AOAH: variants seen among roughly 807,000 people sequenced by gnomAD.
AOAH encodes acyloxyacyl hydrolase (neutrophil).
Under a neutral mutation model 92.2 loss-of-function variants are expected in AOAH, and 64 were observed. That is an observed-to-expected ratio of 0.69 (90% CI 0.57 to 0.86). The LOEUF (loss-of-function observed/expected upper bound fraction) is 0.86. Among genes scored for constraint, AOAH ranks in the 40% least tolerant of loss-of-function variants. The probability of loss-of-function intolerance (pLI) is 0.00; values close to 1 mark genes in which losing one functional copy is unlikely to be tolerated. For synonymous variants in AOAH, 263 were observed against 254.5 expected (o/e 1.03, Z -0.32); for missense variants, 656 against 694.6 (o/e 0.94, Z 0.62).
At chr7:36,641,381 C>G (rs1793904232) in intron 4 of AOAH, among the ~76,000 whole-genome samples, 1 of 152,140 alleles carries the variant, frequency 6.6e-6, no homozygotes, top group Middle Eastern at 3.2e-3. Context: ...AGTCTTGTTC[C>G]CCCAATGACT....
intron 11 of AOAH, among the ~76,000 whole-genome samples, chr7:36,607,367 G>T (rs1791084976): frequency 6.6e-6 from 1 of 152,194 alleles, no homozygotes; most frequent in African/African-American, 2.4e-5. Flanking sequence ...AACGAAACAT[G>T]TCTGGGCTTC....
At chr7:36,625,059 G>T (rs1792548361) in intron 6 of AOAH, among the ~76,000 whole-genome samples, 1 of 152,096 alleles carries the variant, frequency 6.6e-6, no homozygotes, top group South Asian at 2.1e-4. Context: ...TTAGGGTAGG[G>T]AAAAGTAGGG....
At chr7:36,678,455 A>G (rs902286946) in intron 2 of AOAH, among the ~76,000 whole-genome samples, 5 of 152,228 alleles carry the variant, frequency 3.3e-5, no homozygotes, top group African/African-American at 1.2e-4. Context: ...CCTAGAGCAG[A>G]GCAATTTAAA....
chr7:36,634,175 A>G (rs1008492896), intron 5 of AOAH, among the ~76,000 whole-genome samples: 1 of 152,150 alleles, frequency 6.6e-6, no homozygotes, highest in African/African-American at 2.4e-5. Flanking sequence ...AGCTTCTACT[A>G]AGGTAGGAGA....
chr7:36,551,080 T>TC (rs1786204280), intron 13 of AOAH, among the ~76,000 whole-genome samples: 1 of 150,566 alleles, frequency 6.6e-6, no homozygotes, highest in Non-Finnish European at 1.5e-5. Flanking sequence ...TTCTTTCTTT[T>TC]TTTTTTTTTT....
At chr7:36,662,532 T>C (rs1162787923) in intron 3 of AOAH, among the ~76,000 whole-genome samples, 1 of 152,226 alleles carries the variant, frequency 6.6e-6, no homozygotes, top group East Asian at 1.9e-4. Flanking sequence ...GTTCTCAACT[T>C]AATTGTTCAT....
chr7:36,723,908 A>G (rs1320076285), intron 1 of AOAH, 114 bp downstream of exon 1: 4 of 1,245,880 alleles, frequency 3.2e-6, no homozygotes, highest in Non-Finnish European at 4.3e-6. Flanking sequence ...CTGGTGCCTT[A>G]CCTGGAATCT....
At chr7:36,538,874 G>A (rs1374167731) in intron 16 of AOAH, among the ~76,000 whole-genome samples, 2 of 152,220 alleles carry the variant, frequency 1.3e-5, no homozygotes, top group African/African-American at 4.8e-5. Flanking sequence ...TGTGATACAT[G>A]AGTAACTCAA....
intron 6 of AOAH, among the ~76,000 whole-genome samples, chr7:36,623,620 C>T (rs1422747873): frequency 2.0e-5 from 3 of 152,342 alleles, no homozygotes; most frequent in Non-Finnish European, 2.9e-5. Context: ...CCATTTTGCA[C>T]ATTGTTATAG....
At chr7:36,670,314 A>G (rs951454316) in intron 3 of AOAH, among the ~76,000 whole-genome samples, 1 of 152,234 alleles carries the variant, frequency 6.6e-6, no homozygotes, top group Non-Finnish European at 1.5e-5. Flanking sequence ...TATGAAGAAC[A>G]TGCCCAATGA....
In AOAH at chr7:36,649,659, T is replaced by A. The variant is rs1794447824; in HGVS notation, c.390+9507A>T. Among the ~76,000 whole-genome samples, 3 of 152,214 alleles carry A rather than the reference T, an allele frequency of 2.0e-5. No homozygotes were observed. In the South Asian group the frequency reaches 6.2e-4, roughly 31 times the overall value. On this transcript the variant is annotated intron_variant, in intron 4 of 20. Transcript: ENST00000617537. ...CAATGGATACCCTCTTTGGGTCCCC[T>A]CCCATTGTTTGGGAGCTCTGTTTTC... is the stretch of plus-strand genomic sequence containing the variant.
At chr7:36,532,872 G>A (rs994242510) in intron 16 of AOAH, among the ~76,000 whole-genome samples, 7 of 152,088 alleles carry the variant, frequency 4.6e-5, no homozygotes, top group South Asian at 4.1e-4. Flanking sequence ...CTCTGACCAC[G>A]TAGTTCCCTG....
intron 1 of AOAH, among the ~76,000 whole-genome samples, chr7:36,722,678 G>A (rs940437956): frequency 6.7e-6 from 1 of 149,128 alleles, no homozygotes; most frequent in Non-Finnish European, 1.5e-5. Flanking sequence ...GCTCATGCCT[G>A]TAATCCCAGC....
At chr7:36,606,763 G>GA (rs1438150292) in intron 11 of AOAH, among the ~76,000 whole-genome samples, 6 of 151,812 alleles carry the variant, frequency 4.0e-5, no homozygotes, top group East Asian at 3.9e-4. Flanking sequence ...AAGAAAAGAA[G>GA]AAAAAAAACA....
In AOAH at chr7:36,516,442, C is replaced by CA. The variant is rs1273774380; in HGVS notation, c.1600-3063_1600-3062insT. On this transcript the variant is annotated intron_variant, in intron 20 of 20. Transcript: ENST00000617537. This position sits in a 1 kb window ranked among gnomAD's most constrained non-coding sequence, Gnocchi z 5.0. ...CCACAGAAAGCACGCAGATACCCCC[C>CA]CCACACACACAGAAAGTGCACGGAT... Among the ~76,000 whole-genome samples, 4 of 119,632 alleles carry CA rather than the reference C, an allele frequency of 3.3e-5. No homozygotes were observed. Among genetic ancestry groups the CA allele is most frequent in the African/African-American group, 1.1e-4 (4 of 35,338 alleles). 78.5% of individuals were successfully genotyped at this position (119,632 alleles called of 152,430 possible). A position where few individuals can be genotyped will look rare whatever the true frequency, so the allele number is the denominator to read the frequency against.
At chr7:36,613,981 A>G (rs1336450134) in intron 11 of AOAH, among the ~76,000 whole-genome samples, 1 of 152,206 alleles carries the variant, frequency 6.6e-6, no homozygotes, top group African/African-American at 2.4e-5. Flanking sequence ...GAGAGGTTCA[A>G]CCAGAGACTG....
intron 18 of AOAH, among the ~76,000 whole-genome samples, chr7:36,531,912 G>A (rs1408314589): frequency 3.9e-5 from 6 of 152,060 alleles, no homozygotes; most frequent in African/African-American, 9.7e-5. Flanking sequence ...GTGTACACAC[G>A]AGAGAGACAG....
chr7:36,716,844 G>T (rs1398233851), intron 1 of AOAH, among the ~76,000 whole-genome samples: 1 of 151,858 alleles, frequency 6.6e-6, no homozygotes, highest in Non-Finnish European at 1.5e-5. Flanking sequence ...GAGCGGGGAG[G>T]GATAGCATTA....
intron 19 of AOAH, among the ~76,000 whole-genome samples, chr7:36,528,439 TTC>T (rs1356150515): frequency 6.6e-6 from 1 of 152,214 alleles, no homozygotes; most frequent in Non-Finnish European, 1.5e-5. Context: ...AATAAAGCTC[TTC>T]TCTCTATATC....
Sources: allele counts gnomAD v4.1 joint callset (sites outside exome capture counted in the v4.1 genomes callset), GRCh38; gene constraint gnomAD v4.1.1; non-coding constraint Gnocchi (gnomAD v3.1); transcripts MANE v1.5; gene names NCBI Gene and HGNC (gene_info 2026-07-23, HGNC 2026-07-21).